The following RUNX1T1 variants were observed in gnomAD, a reference collection of about 807,000 sequenced individuals.
RUNX1T1 encodes protein CBFA2T1.
In RUNX1T1, 4 loss-of-function variants were observed where a neutral mutation model predicts 62.8. The observed-to-expected ratio is 0.06, with a 90% CI of 0.03 to 0.15. The LOEUF is 0.15. Ranked by LOEUF, RUNX1T1 falls within the 10% of genes least tolerant of loss-of-function variation. The pLI, the probability that RUNX1T1 is intolerant of heterozygous loss-of-function variation, is 1.00. For synonymous variants in RUNX1T1, 291 were observed against 286.0 expected (o/e 1.02, Z -0.18); for missense variants, 508 against 754.3 (o/e 0.67, Z 3.82).
At chr8:91,986,787 A>G (rs1224829500) in intron 7 of RUNX1T1, 100 bp downstream of exon 8, 4 of 774,252 alleles carry the variant, frequency 5.2e-6, no homozygotes, top group Non-Finnish European at 9.0e-6. Context: ...CAGGAAAAAC[A>G]ATGCCTTCAA....
intron 1 of RUNX1T1, among the ~76,000 whole-genome samples, chr8:92,046,061 G>C (rs1829344213): frequency 6.6e-6 from 1 of 152,092 alleles, no homozygotes; most frequent in South Asian, 2.1e-4. Flanking sequence ...CCCATGGCCT[G>C]TGCTCTCCTA....
At chr8:92,094,349 C>T (rs946082153) in intron 1 of RUNX1T1, among the ~76,000 whole-genome samples, 5 of 152,148 alleles carry the variant, frequency 3.3e-5, no homozygotes, top group African/African-American at 9.7e-5. Flanking sequence ...ATTTTAAGAA[C>T]CTTCTAAAGT....
At chr8:92,005,514 C>T in intron 4 of RUNX1T1, 2 of 502,334 alleles carry the variant, frequency 4.0e-6, no homozygotes, top group Non-Finnish European at 3.5e-6. Context: ...TTGTACATCA[C>T]TTTACCTCTC....
intron 1 of RUNX1T1, among the ~76,000 whole-genome samples, chr8:92,055,650 C>T (rs781477985): frequency 1.3e-5 from 2 of 152,076 alleles, no homozygotes; most frequent in Non-Finnish European, 2.9e-5. Flanking sequence ...ATAAAGAATG[C>T]CTGGATAACT....
chr8:91,974,714 T>G (rs1813548573), intron 9 of RUNX1T1, among the ~76,000 whole-genome samples: 1 of 152,192 alleles, frequency 6.6e-6, no homozygotes, highest in African/African-American at 2.4e-5. Flanking sequence ...CAGCAACATA[T>G]GTATTTTAAC....
chr8:91,970,947 C>T lies in RUNX1T1; in HGVS notation c.1268-99G>A, dbSNP rs114896668. 1.4e-3 allele frequency: 1,489 copies of T among 1,055,082 alleles called. 16 individuals carry two copies. In the African/African-American group the frequency reaches 0.022, roughly 16 times the overall value. The allele number at this position is 1,055,082 out of a possible 1,614,324, so 65.4% of individuals were successfully genotyped here. On this transcript the variant is annotated intron_variant, in intron 9 of 10. Transcript: ENST00000396218. ...TTTCTTTTAATTTTTTTTTTCTTTC[C>T]GAGGCTGGTCTCGAACCCCTGGGCT...
At chr8:92,094,972 TA>T in intron 1 of RUNX1T1, 5 of 1,318,240 alleles carry the variant, frequency 3.8e-6, no homozygotes, top group Non-Finnish European at 5.3e-6. Flanking sequence ...TCTTTAAACC[TA>T]TTCAGACTGG....
chr8:91,996,261 G>T (rs1296598146), intron 5 of RUNX1T1, among the ~76,000 whole-genome samples: 1 of 151,926 alleles, frequency 6.6e-6, no homozygotes, highest in Non-Finnish European at 1.5e-5. Context: ...GAGTGCAGTG[G>T]TGCAATCTTG....
At chr8:92,070,530 C>T (rs549997670) in intron 2 of RUNX1T1, among the ~76,000 whole-genome samples, 1 of 152,204 alleles carries the variant, frequency 6.6e-6, no homozygotes, top group South Asian at 2.1e-4. Flanking sequence ...TCACAAGGCG[C>T]ACCAGGCTAA....
At chr8:92,010,134 A>T (rs1821647849) in intron 4 of RUNX1T1, 1 of 152,236 alleles carries the variant, frequency 6.6e-6, no homozygotes, top group East Asian at 1.9e-4. Flanking sequence ...TCTAGGAACC[A>T]GACAGAAAGG....
intron 1 of RUNX1T1, chr8:92,062,536 G>T (rs1192060557): frequency 1.2e-6 from 2 of 1,613,580 alleles, no homozygotes; most frequent in East Asian, 4.5e-5. Context: ...ACAGAACAGG[G>T]CTAACTCACC....
chr8:91,972,071 AGTGTTTGCACTTAATT>A (rs1279200646), intron 9 of RUNX1T1, among the ~76,000 whole-genome samples: 1 of 152,194 alleles, frequency 6.6e-6, no homozygotes, highest in East Asian at 1.9e-4. Flanking sequence ...GTTTCATTCA[AGTGTTTGCACTTAATT>A]GTTTCACCCA....
In RUNX1T1 at chr8:91,975,086, G is replaced by A. The variant is rs543795571; in HGVS notation, c.1267+819C>T. On this transcript the variant is annotated intron_variant, in intron 9 of 10. Coordinates refer to ENST00000396218, the Ensembl canonical transcript of RUNX1T1. ...TGTTTTAAGAGCTGGAGTTACAGCA[G>A]CTGAAAGCCACAGTATGTTTTTCAT... 2.6e-5 allele frequency among the ~76,000 whole-genome samples: 4 copies of A among 152,326 alleles called. No homozygotes were observed. The East Asian group carries it at 5.8e-4, about 22-fold the overall frequency.
chr8:92,070,469 T>C (rs1833505193), intron 2 of RUNX1T1, among the ~76,000 whole-genome samples: 1 of 152,220 alleles, frequency 6.6e-6, no homozygotes, highest in Non-Finnish European at 1.5e-5. Context: ...ATAACACTTA[T>C]GGCAGAGCTA....
intron 8 of RUNX1T1, among the ~76,000 whole-genome samples, chr8:91,980,739 G>A (rs1238394133): frequency 6.6e-6 from 1 of 152,090 alleles, no homozygotes; most frequent in African/African-American, 2.4e-5. Flanking sequence ...TGGCATAAAC[G>A]TGGCTCACTG....
intron 1 of RUNX1T1, among the ~76,000 whole-genome samples, chr8:92,061,429 T>A (rs2130594067): frequency 6.6e-6 from 1 of 152,308 alleles, no homozygotes; most frequent in African/African-American, 2.4e-5. Context: ...AAAATGACCT[T>A]TCAAAGACCT....
chr8:92,053,401 C>G (rs1316630419), intron 1 of RUNX1T1, among the ~76,000 whole-genome samples: 1 of 152,146 alleles, frequency 6.6e-6, no homozygotes, highest in Non-Finnish European at 1.5e-5. Flanking sequence ...AATGGCCAAA[C>G]TACATGAAAA....
intron 6 of RUNX1T1, among the ~76,000 whole-genome samples, chr8:91,991,106 G>A (rs555389446): frequency 6.6e-6 from 1 of 152,056 alleles, no homozygotes; most frequent in Non-Finnish European, 1.5e-5. Context: ...GCATTTTCAA[G>A]TAAAAAAAAG....
intron 1 of RUNX1T1, among the ~76,000 whole-genome samples, chr8:92,056,500 T>C (rs1270421455): frequency 6.6e-6 from 1 of 152,158 alleles, no homozygotes; most frequent in Non-Finnish European, 1.5e-5. Context: ...AGAATCCCTC[T>C]AATAAAGTGA....
Sources: gnomAD v4.1 joint callset for allele counts (sites outside exome capture counted in the v4.1 genomes callset) on GRCh38, gnomAD v4.1.1 for gene constraint, MANE v1.5 for transcripts, NCBI Gene and HGNC (gene_info 2026-07-23, HGNC 2026-07-21) for gene names.